Variants in PAK5 observed in about 807,000 individuals in gnomAD.
The protein encoded by PAK5 is p21 (RAC1) activated kinase 5, also known as serine/threonine-protein kinase PAK 5.
Under a neutral mutation model 65.9 loss-of-function variants are expected in PAK5, and 16 were observed. The ratio of observed to expected loss-of-function variants is 0.24; its 90% confidence interval spans 0.16 to 0.37. The LOEUF (loss-of-function observed/expected upper bound fraction) is 0.37, where lower values mean the gene tolerates loss of function less well. Ranked by LOEUF, PAK5 falls within the 10% of genes least tolerant of loss-of-function variation. The pLI, the probability that PAK5 is intolerant of heterozygous loss-of-function variation, is 1.00. For missense variants in PAK5, 785 were observed against 903.9 expected, an observed-to-expected ratio of 0.87 and a Z score of 1.69; for synonymous variants, 371 against 354.9, an observed-to-expected ratio of 1.05 and a Z score of -0.51.
intron 3 of PAK5, among the ~76,000 whole-genome samples, chr20:9,598,863 T>G (rs2046315167): frequency 6.6e-6 from 1 of 152,254 alleles, no homozygotes. Context: ...CTTTTTATAC[T>G]GTGGTAAAAT....
At chr20:9,771,807 G>T (rs1600354454) in intron 1 of PAK5, among the ~76,000 whole-genome samples, 1 of 151,990 alleles carries the variant, frequency 6.6e-6, no homozygotes, top group Non-Finnish European at 1.5e-5. Context: ...GGGAGTCCGG[G>T]GGAGGGCGGA....
intron 3 of PAK5, among the ~76,000 whole-genome samples, chr20:9,642,074 C>T (rs1206240027): frequency 3.9e-5 from 6 of 152,218 alleles, no homozygotes; most frequent in South Asian, 4.1e-4. Context: ...CCTCAAATGC[C>T]ACCAAAGTGG....
intron 1 of PAK5, among the ~76,000 whole-genome samples, chr20:9,770,755 T>C (rs1194579463): frequency 1.3e-5 from 2 of 152,140 alleles, no homozygotes; most frequent in African/African-American, 4.8e-5. Context: ...GTAGGATGCA[T>C]GGACTTCAGG....
intron 2 of PAK5, among the ~76,000 whole-genome samples, chr20:9,674,010 T>G (rs989454959): frequency 1.1e-4 from 16 of 152,202 alleles, no homozygotes; most frequent in Admixed American, 8.5e-4. Context: ...CTAGTTAGCA[T>G]GCAAATGGGA....
chr20:9,743,820 G>A (rs1600315237), intron 1 of PAK5, among the ~76,000 whole-genome samples: 5 of 152,228 alleles, frequency 3.3e-5, no homozygotes, highest in South Asian at 4.1e-4. Context: ...AGATATCCAC[G>A]TCCTCATTCC....
intron 3 of PAK5, among the ~76,000 whole-genome samples, chr20:9,618,991 T>C (rs1308094997): frequency 1.5e-5 from 2 of 135,420 alleles, no homozygotes; most frequent in African/African-American, 2.7e-5. Flanking sequence ...GATGGGATCA[T>C]GGCTCACGGA....
intron 1 of PAK5, among the ~76,000 whole-genome samples, chr20:9,786,256 G>A (rs2048991359): frequency 6.6e-6 from 1 of 152,004 alleles, no homozygotes; most frequent in African/African-American, 2.4e-5. Flanking sequence ...TTGAGTATTT[G>A]AGCTTTCAAG....
chr20:9,546,373 T>C (rs1568955125), intron 7 of PAK5, among the ~76,000 whole-genome samples: 1 of 152,242 alleles, frequency 6.6e-6, no homozygotes, highest in African/African-American at 2.4e-5. Context: ...CAATGTGTTT[T>C]TTTAACAGTT....
intron 2 of PAK5, among the ~76,000 whole-genome samples, chr20:9,651,756 G>A (rs980743923): frequency 2.6e-5 from 4 of 152,030 alleles, no homozygotes; most frequent in African/African-American, 4.8e-5. Context: ...GGTGGGGCAC[G>A]CACAGGATGG....
At chr20:9,546,732 T>A (rs1393088681) in intron 7 of PAK5, among the ~76,000 whole-genome samples, 1 of 150,958 alleles carries the variant, frequency 6.6e-6, no homozygotes. Flanking sequence ...GAACCGGGAG[T>A]TGCTGTTGTG....
intron 1 of PAK5, among the ~76,000 whole-genome samples, chr20:9,754,035 C>A (rs968928633): frequency 6.6e-6 from 1 of 152,136 alleles, no homozygotes; most frequent in African/African-American, 2.4e-5. Flanking sequence ...ACCTAAGATG[C>A]CTTTTTGCAA....
chr20:9,627,624 C>T (rs1048199591), intron 3 of PAK5, among the ~76,000 whole-genome samples: 5 of 152,054 alleles, frequency 3.3e-5, no homozygotes, highest in African/African-American at 1.2e-4. Flanking sequence ...TTTTTCTTTT[C>T]CTTTTCTTTT....
At chr20:9,769,474 T>A (rs2048809326) in intron 1 of PAK5, among the ~76,000 whole-genome samples, 2 of 152,258 alleles carry the variant, frequency 1.3e-5, no homozygotes, top group South Asian at 4.1e-4. Context: ...AAAATTGCCA[T>A]AGGGCGATGA....
At chr20:9,591,180 A>G (rs1483241907) in intron 3 of PAK5, among the ~76,000 whole-genome samples, 1 of 152,190 alleles carries the variant, frequency 6.6e-6, no homozygotes, top group African/African-American at 2.4e-5. Flanking sequence ...CTTTATAAGA[A>G]GGAAGAAAGT....
In PAK5 at chr20:9,730,859, T is replaced by C. The variant is rs145914868; in HGVS notation, c.-161-19424A>G. ...GGACTCAGCCTTATCTAATGAAAAA[T>C]GACTGGGATTCACATTTGCCAATGG... On this transcript the variant is annotated intron_variant, in intron 1 of 9. Coordinates refer to ENST00000353224, the MANE Select transcript of PAK5 (RefSeq NM_177990.4). Among the ~76,000 whole-genome samples, 149 of 152,312 alleles carry C rather than the reference T, an allele frequency of 9.8e-4. 1 individual carries two copies. Among genetic ancestry groups the C allele is most frequent in the African/African-American group, 3.5e-3 (147 of 41,574 alleles).
At chr20:9,714,317 T>C (rs1350125000) in intron 1 of PAK5, among the ~76,000 whole-genome samples, 2 of 152,132 alleles carry the variant, frequency 1.3e-5, no homozygotes, top group East Asian at 3.8e-4. Flanking sequence ...TTTTCCATTT[T>C]TCTCCTTGGA....
At chr20:9,782,950 A>T in intron 1 of PAK5, among the ~76,000 whole-genome samples, 1 of 141,422 alleles carries the variant, frequency 7.1e-6, no homozygotes. Flanking sequence ...TTTTTTTAAG[A>T]CGGAGTTTCG....
At chr20:9,564,559 A>T (rs1170795520) in intron 5 of PAK5, among the ~76,000 whole-genome samples, 5 of 152,228 alleles carry the variant, frequency 3.3e-5, no homozygotes, top group African/African-American at 7.2e-5. Context: ...AGTCTCAATG[A>T]CGCTAGTGAA....
chr20:9,602,026 G>A (rs2046369093), intron 3 of PAK5, among the ~76,000 whole-genome samples: 1 of 152,076 alleles, frequency 6.6e-6, no homozygotes, highest in African/African-American at 2.4e-5. Context: ...GGTGAACTCG[G>A]GATTAAACTC....
Sources: allele counts gnomAD v4.1 joint callset (sites outside exome capture counted in the v4.1 genomes callset), GRCh38; gene constraint gnomAD v4.1.1; transcripts MANE v1.5; gene names NCBI Gene and HGNC (gene_info 2026-07-23, HGNC 2026-07-21).